Variants in TDRD5 observed in about 807,000 individuals in gnomAD.
TDRD5 encodes tudor domain containing 5, also known as tudor domain-containing protein 5.
TDRD5 carries 41 observed loss-of-function variants against 120.6 expected under a neutral mutation model. That is an observed-to-expected ratio of 0.34 (90% CI 0.26 to 0.44). The LOEUF (loss-of-function observed/expected upper bound fraction) is 0.44, where lower values mean the gene tolerates loss of function less well. Among genes scored for constraint, TDRD5 ranks in the 20% least tolerant of loss-of-function variants. The pLI is 1.00. For synonymous variants in TDRD5, 430 were observed against 433.7 expected, an observed-to-expected ratio of 0.99 and a Z score of 0.11; for missense variants, 1,006 against 1,221.2, an observed-to-expected ratio of 0.82 and a Z score of 2.63.
At chr1:179,665,653 A>G (rs1679520988) in intron 16 of TDRD5, among the ~76,000 whole-genome samples, 1 of 152,136 alleles carries the variant, frequency 6.6e-6, no homozygotes, top group African/African-American at 2.4e-5. Context: ...TAAGTTTTGA[A>G]GTCAGGAAAT....
intron 9 of TDRD5, among the ~76,000 whole-genome samples, chr1:179,636,339 AG>A (rs1677763832): frequency 6.6e-6 from 1 of 152,194 alleles, no homozygotes; most frequent in Non-Finnish European, 1.5e-5. Flanking sequence ...CTAAAACTTG[AG>A]AAATGGTAGT....
chr1:179,621,655 C>A (rs1168114514), intron 6 of TDRD5, among the ~76,000 whole-genome samples: 1 of 152,108 alleles, frequency 6.6e-6, no homozygotes, highest in East Asian at 1.9e-4. Flanking sequence ...TAAAATAAAT[C>A]TGCTCTGCAA....
At chr1:179,620,625 A>T (rs1461330092) in intron 5 of TDRD5, among the ~76,000 whole-genome samples, 2 of 152,254 alleles carry the variant, frequency 1.3e-5, no homozygotes, top group African/African-American at 4.8e-5. Context: ...CTCTTAACAG[A>T]TCTTTTATTT....
rs543072342 is a variant in TDRD5, at chr1:179,610,905, T to C, written c.832-7694T>C. ...TTAAGTTTAAAATTTTTGAAGAGACTTCATGCATTTCATTAAGTGTATTCA... is the reference window on the plus strand; with the variant it reads ...TTAAGTTTAAAATTTTTGAAGAGACCTCATGCATTTCATTAAGTGTATTCA... On this transcript the variant is annotated intron_variant, in intron 4 of 17. Coordinates refer to ENST00000444136, the MANE Select transcript of TDRD5 (RefSeq NM_001199085.3). Among the ~76,000 whole-genome samples, 28 of 152,318 alleles carry C rather than the reference T, an allele frequency of 1.8e-4. 2 individuals are homozygous for C. In the Middle Eastern group the frequency reaches 0.01, roughly 56 times the overall value.
chr1:179,672,104 T>A (rs1679885814), intron 17 of TDRD5, among the ~76,000 whole-genome samples: 1 of 151,956 alleles, frequency 6.6e-6, no homozygotes, highest in Admixed American at 6.6e-5. Context: ...CTTTTTCGTA[T>A]AATGACTTCT....
intron 16 of TDRD5, among the ~76,000 whole-genome samples, chr1:179,667,445 A>G (rs1037668446): frequency 7.2e-5 from 11 of 152,228 alleles, no homozygotes; most frequent in Admixed American, 3.9e-4. Flanking sequence ...TGTGAGTGCT[A>G]TAATCTAGGG....
chr1:179,628,466 G>C (rs947981485), intron 6 of TDRD5, among the ~76,000 whole-genome samples: 1 of 115,006 alleles, frequency 8.7e-6, no homozygotes, highest in Non-Finnish European at 1.9e-5. Flanking sequence ...GTCCAGCTAA[G>C]TTTTTTTTTT....
chr1:179,648,989 T>C (rs959653149), intron 11 of TDRD5, among the ~76,000 whole-genome samples: 2 of 152,168 alleles, frequency 1.3e-5, no homozygotes, highest in African/African-American at 4.8e-5. Context: ...ATTTACTAAG[T>C]ATAGAATTCT....
chr1:179,618,607 C>A lies in TDRD5; in HGVS notation c.840C>A (p.Asn280Lys), dbSNP rs1343188794. 3.2e-6 allele frequency: 5 copies of A among 1,585,498 alleles called. No individual in the cohort carries two copies. The highest frequency in any genetic ancestry group is 1.4e-5 in the African/African-American group (1 of 72,936). Residue 280 changes from asparagine (N) to lysine (K), a missense_variant, in exon 5 of 18, where the codon AAC becomes AAA. Around this residue, in one of 3 missense-constraint regions of TDRD5, gnomAD observed 445 missense variants for 515.5 expected, o/e 0.86. Transcript: ENST00000444136. ...NHTEKLNQLE[N>K]TFKSVIAQIG... ...TTTTTCTTTTTTCATAGCTGGAGAACACATTCAAATCAGTTATTGCACAGA... is the reference window on the plus strand; with the variant it reads ...TTTTTCTTTTTTCATAGCTGGAGAAAACATTCAAATCAGTTATTGCACAGA...
At chr1:179,621,120 AT>A in intron 6 of TDRD5, 29 bp downstream of exon 6, 1 of 1,575,066 alleles carries the variant, frequency 6.3e-7, no homozygotes, top group African/African-American at 1.4e-5. Context: ...CCCAACCCTA[AT>A]TTTTTATGGC....
chr1:179,631,998 G>T (rs1677482680), intron 7 of TDRD5, among the ~76,000 whole-genome samples: 1 of 150,536 alleles, frequency 6.6e-6, no homozygotes, highest in Admixed American at 6.6e-5. Context: ...CCTCCGCCTC[G>T]CGGGTTCATG....
intron 4 of TDRD5, among the ~76,000 whole-genome samples, chr1:179,611,185 G>A (rs1676256267): frequency 6.6e-6 from 1 of 151,952 alleles, no homozygotes; most frequent in African/African-American, 2.4e-5. Flanking sequence ...CCAAGTAGCT[G>A]GAATTACAGG....
chr1:179,659,772 A>G (rs1437649952), intron 14 of TDRD5, among the ~76,000 whole-genome samples: 3 of 152,032 alleles, frequency 2.0e-5, no homozygotes, highest in Non-Finnish European at 4.4e-5. Flanking sequence ...ATCTCAGCTC[A>G]CCACAACCTC....
chr1:179,626,579 G>A (rs114905770), intron 6 of TDRD5, among the ~76,000 whole-genome samples: 9 of 152,274 alleles, frequency 5.9e-5, no homozygotes, highest in Non-Finnish European at 8.8e-5. Context: ...AATGCTGTAC[G>A]TGCTGGCCTA....
At chr1:179,623,725 C>G (rs1331794042) in intron 6 of TDRD5, among the ~76,000 whole-genome samples, 3 of 148,672 alleles carry the variant, frequency 2.0e-5, no homozygotes, top group African/African-American at 7.4e-5. Context: ...CCTTGAACTC[C>G]TGGGCTCAAG....
rs562428963 is a variant in TDRD5 at position 179,619,747 on chromosome 1, G to A, written c.915+1065G>A. On this transcript the variant is annotated intron_variant, in intron 5 of 17. Coordinates refer to ENST00000444136, the MANE Select transcript of TDRD5 (RefSeq NM_001199085.3). ...AGCAATCCTCTCACATCAGCCTCCCGAGTAGCTGGGACTAGAGGTGCATGC... is the reference window on the plus strand; with the variant it reads ...AGCAATCCTCTCACATCAGCCTCCCAAGTAGCTGGGACTAGAGGTGCATGC... Among the ~76,000 whole-genome samples, 11 of 151,772 alleles carry A rather than the reference G, an allele frequency of 7.2e-5. No individual in the cohort carries two copies. In the East Asian group the frequency reaches 2.1e-3, roughly 30 times the overall value.
chr1:179,636,030 G>T, intron 9 of TDRD5, 143 bp downstream of exon 9: 1 of 521,356 alleles, frequency 1.9e-6, no homozygotes. Context: ...AATTAAAACT[G>T]TAAAATTTTA....
chr1:179,618,806 A>G (rs2101966806), intron 5 of TDRD5, 124 bp downstream of exon 5: 2 of 631,200 alleles, frequency 3.2e-6, no homozygotes, highest in East Asian at 7.1e-5. Flanking sequence ...AAACTAAGCA[A>G]CAATTCTTTT....
intron 17 of TDRD5, 30 bp downstream of exon 17, chr1:179,669,434 C>A: frequency 6.2e-7 from 1 of 1,610,462 alleles, no homozygotes; most frequent in Non-Finnish European, 8.5e-7. Context: ...TGCATGCTCA[C>A]AGTTGACAAA....
Sources: gnomAD v4.1 joint callset for allele counts (sites outside exome capture counted in the v4.1 genomes callset) on GRCh38, gnomAD v4.1.1 for gene constraint, gnomAD v4.1.1 regional missense constraint, MANE v1.5 for transcripts, NCBI Gene and HGNC (gene_info 2026-07-23, HGNC 2026-07-21) for gene names.